The following ATP2B3 variants were observed in gnomAD, a reference collection of about 807,000 sequenced individuals.
ATP2B3 encodes the protein plasma membrane calcium-transporting ATPase 3.
A neutral mutation model predicts 70.8 loss-of-function variants in ATP2B3; 12 were observed. That is an observed-to-expected ratio of 0.17 (90% CI 0.11 to 0.27). ATP2B3 has a LOEUF of 0.27. ATP2B3 is among the 10% of genes least tolerant of loss of function. ATP2B3 has a pLI of 1.00. For synonymous variants in ATP2B3, 460 were observed against 497.8 expected (o/e 0.92, Z 1.01); for missense variants, 858 against 1,118.5 (o/e 0.77, Z 3.32).
At chrX:153,574,782 C>A (rs1557020840) in intron 21 of ATP2B3, 1 of 331,360 alleles carries the variant, frequency 3.0e-6, no homozygotes, top group Non-Finnish European at 5.9e-6. Flanking sequence ...GGGCACGTCT[C>A]CCCATGCACA....
Position 153,558,108 on chromosome X carries a change from C to A in ATP2B3, c.2434-4C>A. 3.3e-6 allele frequency: 4 copies of A among 1,205,586 alleles called. No individual in the cohort carries two copies. Among genetic ancestry groups the A allele is most frequent in the South Asian group, 1.8e-5 (1 of 55,719 alleles). ...CTGTGTGAGTGTGTGTGTCACCCCC[C>A]CAGGGCATCGCAGGGACCGACGTGG... On this transcript the variant is annotated splice_region_variant and splice_polypyrimidine_tract_variant and intron_variant, in intron 16 of 21. Transcript: ENST00000263519.
chrX:153,541,565 C>T lies in ATP2B3; in HGVS notation c.406+9C>T, dbSNP rs377067424. The T allele has an allele frequency of 1.2e-5, 14 of 1,208,680 alleles. No individual in the cohort carries two copies. The African/African-American group carries it at 1.8e-4, about 15-fold the overall frequency. ...AGGAGAGGAGAGTGAAGGTAAGGCC[C>T]GGGGGCCTGGGCTGGAAGGAGGAAG... On this transcript the variant is annotated intron_variant, in intron 4 of 21. Coordinates refer to ENST00000263519, the MANE Select transcript of ATP2B3 (RefSeq NM_001001344.3).
intron 6 of ATP2B3, 119 bp from the exon 7 acceptor site, chrX:153,542,924 T>C: frequency 2.0e-6 from 2 of 998,003 alleles, no homozygotes; most frequent in Non-Finnish European, 2.7e-6. Context: ...CAGCCTAGTT[T>C]TAAGGTGGAC....
At chrX:153,572,317 G>A (rs1459673781) in intron 21 of ATP2B3, among the ~76,000 whole-genome samples, 6 of 113,051 alleles carry the variant, frequency 5.3e-5, no homozygotes, top group Non-Finnish European at 1.1e-4. Context: ...CTCTTTGCCT[G>A]CTCCAGGCCA....
At chrX:153,557,787 C>A (rs2090561026) in intron 16 of ATP2B3, among the ~76,000 whole-genome samples, 1 of 110,461 alleles carries the variant, frequency 9.1e-6, no homozygotes, top group Admixed American at 9.5e-5. Flanking sequence ...TAAGAACAGA[C>A]CACGCTGCTT....
chrX:153,536,790 A>T (rs1177903628), intron 3 of ATP2B3, among the ~76,000 whole-genome samples: 1 of 112,270 alleles, frequency 8.9e-6, no homozygotes, highest in African/African-American at 3.2e-5. Context: ...AGACAGCCCC[A>T]TCTGTATATT....
chrX:153,580,185 A>G lies in ATP2B3; in HGVS notation c.3550A>G (p.Asn1184Asp), dbSNP rs2090906654. ...GCCCCCGTCCCCCAACCAGAACAAC[A>G]ACGCCATAGACAGCGGCATCTACCT... ...PPPPSPNQNNNAIDSGIYLTT... is the reference protein window; with the variant it reads ...PPPPSPNQNNDAIDSGIYLTT... The change falls in exon 22 of 22, where the codon AAC (asparagine) becomes GAC (aspartate). Residue 1184 changes from asparagine to aspartate, a missense_variant. Coordinates refer to ENST00000263519, the MANE Select transcript of ATP2B3 (RefSeq NM_001001344.3). 2.9e-6 allele frequency: 3 copies of G among 1,020,458 alleles called. No homozygotes were observed. In the African/African-American group the frequency reaches 6.3e-5, roughly 22 times the overall value. 84.1% of individuals were successfully genotyped at this position (1,020,458 alleles called of 1,213,427 possible).
Position 153,582,821 on chromosome X carries a change from A to G in ATP2B3, c.*2523A>G, listed in dbSNP as rs782517827. 2 of 112,925 alleles carry G rather than the reference A, an allele frequency of 1.8e-5. No homozygotes were observed. The highest frequency in any genetic ancestry group is 1.9e-4 in the Admixed American group (2 of 10,677). 9.3% of individuals were successfully genotyped at this position (112,925 alleles called of 1,213,427 possible). Reference sequence around the variant, plus strand: ...AAGATGAACAAAAAAACTTAATGAGAAAGATCACAGATACGTAATAATTTA... The same window carrying G: ...AAGATGAACAAAAAAACTTAATGAGGAAGATCACAGATACGTAATAATTTA... On this transcript the variant is annotated 3_prime_UTR_variant, in exon 22 of 22. Transcript: ENST00000263519.
chrX:153,548,268 C>G (rs1359293376), intron 9 of ATP2B3, among the ~76,000 whole-genome samples: 1 of 96,376 alleles, frequency 1.0e-5, no homozygotes, highest in Non-Finnish European at 2.3e-5. Flanking sequence ...ACCCAAGGCT[C>G]CAGGCTCTGC....
intron 21 of ATP2B3, among the ~76,000 whole-genome samples, chrX:153,572,093 C>T (rs1557020100): frequency 8.9e-6 from 1 of 112,926 alleles, no homozygotes; most frequent in African/African-American, 3.2e-5. Context: ...AGGTTGTCCC[C>T]AAGGGCCAGG....
At chrX:153,549,291 C>T (rs868973098) in intron 10 of ATP2B3, among the ~76,000 whole-genome samples, 3 of 109,638 alleles carry the variant, frequency 2.7e-5, no homozygotes, top group Non-Finnish European at 5.7e-5. Context: ...GTCCCGGGTG[C>T]GCATCCCGCC....
rs374139547 is a variant in ATP2B3, at chrX:153,564,908, G to T, written c.3160-13G>T. On this transcript the variant is annotated splice_polypyrimidine_tract_variant and intron_variant, in intron 20 of 21. Transcript: ENST00000263519. ...GCCTGGCTCTCACGGCCACTTCCGT[G>T]TGGCTCCCCCAGGTCATTGCCACCA... 3 of 1,170,228 alleles carry T rather than the reference G, an allele frequency of 2.6e-6. No homozygotes were observed. The African/African-American group carries it at 5.3e-5, about 21-fold the overall frequency.
chrX:153,524,727 C>G (rs1290037173), intron 2 of ATP2B3, among the ~76,000 whole-genome samples: 1 of 111,298 alleles, frequency 9.0e-6, no homozygotes, highest in Non-Finnish European at 1.9e-5. Context: ...CTGTGTGCTG[C>G]TGTACCGGTG....
chrX:153,572,795 G>A (rs1480598848), intron 21 of ATP2B3, among the ~76,000 whole-genome samples: 1 of 111,823 alleles, frequency 8.9e-6, no homozygotes, highest in Non-Finnish European at 1.9e-5. Context: ...TCCCTGTTGG[G>A]TGTCCATATT....
chrX:153,537,621 G>A (rs2090212502), intron 3 of ATP2B3, among the ~76,000 whole-genome samples: 1 of 112,862 alleles, frequency 8.9e-6, no homozygotes, highest in Non-Finnish European at 1.9e-5. Flanking sequence ...TGATGCGCCC[G>A]TGACACCCGG....
At position 153,517,893 on chromosome X, in the gene ATP2B3, C is replaced by T. The variant is rs193053006; in HGVS notation, c.-247+18C>T. On this transcript the variant is annotated intron_variant, in intron 1 of 21. Transcript: ENST00000263519. ...ATGCCCGGGTAAGTGGTGCTCTGGG[C>T]GCGCGGGCGCCGCCGGGGTGGGCGC... 4,422 of 108,764 alleles carry T rather than the reference C, an allele frequency of 0.041. 91 individuals are homozygous for T. The highest frequency in any genetic ancestry group is 0.048 in the Non-Finnish European group (2,459 of 51,706). 9.0% of individuals were successfully genotyped at this position (108,764 alleles called of 1,213,427 possible). A position where few individuals can be genotyped will look rare whatever the true frequency, so the allele number is the denominator to read the frequency against.
chrX:153,542,581 G>A (rs1049656885), intron 6 of ATP2B3, 133 bp downstream of exon 6: 1 of 911,989 alleles, frequency 1.1e-6, no homozygotes, highest in Non-Finnish European at 1.5e-6. Context: ...CTTCAGGTTG[G>A]GAATCTGAAG....
In ATP2B3 at chrX:153,564,906, G is replaced by A. The variant is rs782766030; in HGVS notation, c.3160-15G>A. On this transcript the variant is annotated splice_polypyrimidine_tract_variant and intron_variant, in intron 20 of 21. Transcript: ENST00000263519. ...CAGCCTGGCTCTCACGGCCACTTCCGTGTGGCTCCCCCAGGTCATTGCCAC... is the reference window on the plus strand; with the variant it reads ...CAGCCTGGCTCTCACGGCCACTTCCATGTGGCTCCCCCAGGTCATTGCCAC... 2.6e-6 allele frequency: 3 copies of A among 1,169,581 alleles called. No homozygotes were observed. Among genetic ancestry groups the A allele is most frequent in the Non-Finnish European group, 3.4e-6 (3 of 871,743 alleles).
rs782664209 is a variant in ATP2B3, at chrX:153,580,151, G to A, written c.3516G>A (p.Arg1172=). 8.3e-7 allele frequency: 1 copy of A among 1,211,094 alleles called. No individual in the cohort carries two copies. The highest frequency in any genetic ancestry group is 1.1e-6 in the Non-Finnish European group (1 of 895,206). The change falls in exon 22 of 22, where the codon CGG becomes CGA. Residue 1172 remains arginine (R), a synonymous_variant. Coordinates refer to ENST00000263519, the MANE Select transcript of ATP2B3 (RefSeq NM_001001344.3). ...TGGACGAGAACGAGGAGCGCCTCCG[G>A]GCCCCCCCGCCCCCGTCCCCCAACC... ...TDVDENEERL[R]APPPPSPNQN...
Sources: allele counts gnomAD v4.1 joint callset (sites outside exome capture counted in the v4.1 genomes callset), GRCh38; gene constraint gnomAD v4.1.1; transcripts MANE v1.5; gene names NCBI Gene and HGNC (gene_info 2026-07-23, HGNC 2026-07-21).